The following SMYD3 variants were observed in gnomAD, a reference collection of about 807,000 sequenced individuals.
SMYD3 encodes histone-lysine N-methyltransferase SMYD3.
Under a neutral mutation model 57.7 loss-of-function variants are expected in SMYD3, and 36 were observed. That is an observed-to-expected ratio of 0.62 (90% CI 0.48 to 0.82). SMYD3 has a LOEUF of 0.82. Among genes scored for constraint, SMYD3 ranks in the 40% least tolerant of loss-of-function variants. The probability of loss-of-function intolerance (pLI) is 0.00; values close to 1 mark genes in which losing one functional copy is unlikely to be tolerated. For missense variants in SMYD3, 515 were observed against 538.8 expected, an observed-to-expected ratio of 0.96 and a Z score of 0.44; for synonymous variants, 211 against 195.0, an observed-to-expected ratio of 1.08 and a Z score of -0.68.
chr1:246,406,663 T>C, intron 1 of SMYD3, among the ~76,000 whole-genome samples: 1 of 152,252 alleles, frequency 6.6e-6, no homozygotes, highest in East Asian at 1.9e-4. Flanking sequence ...ACAAGGTAGA[T>C]ACTCAATGTG....
chr1:246,306,026 C>T lies in SMYD3; in HGVS notation c.531+21175G>A, dbSNP rs2064971128. On this transcript the variant is annotated intron_variant, in intron 5 of 11. Coordinates refer to ENST00000490107, the MANE Select transcript of SMYD3 (RefSeq NM_001167740.2). ...GGCACCACAAAATATATTTCTGCTC[C>T]TGTCTTCATTACAAATCAAAATTGA... 4 of 152,162 alleles carry T rather than the reference C, an allele frequency of 2.6e-5. No homozygotes were observed. The South Asian group carries it at 8.3e-4, about 32-fold the overall frequency. 9.4% of individuals were successfully genotyped at this position (152,162 alleles called of 1,614,324 possible).
chr1:245,749,909 G>A (rs754001271), intron 11 of SMYD3, among the ~76,000 whole-genome samples: 47 of 152,152 alleles, frequency 3.1e-4, no homozygotes, highest in Non-Finnish European at 6.2e-4. Flanking sequence ...AGTGACAATC[G>A]ATGATCTTCA....
intron 5 of SMYD3, among the ~76,000 whole-genome samples, chr1:246,146,702 A>G (rs1447811321): frequency 6.6e-6 from 1 of 152,202 alleles, no homozygotes; most frequent in Non-Finnish European, 1.5e-5. Flanking sequence ...CAAACTGCCC[A>G]GGAATCTAAT....
At chr1:246,003,338 G>C (rs1288428968) in intron 5 of SMYD3, among the ~76,000 whole-genome samples, 1 of 152,228 alleles carries the variant, frequency 6.6e-6, no homozygotes, top group African/African-American at 2.4e-5. Context: ...CCATCTGGTG[G>C]AGCGGTGGGA....
chr1:245,963,453 G>A (rs2058061444), intron 5 of SMYD3, among the ~76,000 whole-genome samples: 1 of 152,022 alleles, frequency 6.6e-6, no homozygotes, highest in African/African-American at 2.4e-5. Flanking sequence ...TACTGCTGGG[G>A]GTCTAGAATG....
intron 1 of SMYD3, among the ~76,000 whole-genome samples, chr1:246,492,012 G>A (rs2068280037): frequency 6.6e-6 from 1 of 152,270 alleles, no homozygotes; most frequent in East Asian, 1.9e-4. Context: ...AGTAGGAATA[G>A]AAGAAAGAAA....
At chr1:246,054,991 T>C (rs10924468) in intron 5 of SMYD3, among the ~76,000 whole-genome samples, 3,025 of 149,744 alleles carry the variant, frequency 0.02, 139 homozygotes, top group East Asian at 0.16. Flanking sequence ...CTGGCTAACA[T>C]GGTGAAATCC....
At chr1:246,270,309 C>T (rs1456183963) in intron 5 of SMYD3, among the ~76,000 whole-genome samples, 1 of 152,090 alleles carries the variant, frequency 6.6e-6, no homozygotes, top group African/African-American at 2.4e-5. Flanking sequence ...TTTTTTATTG[C>T]AATAAAATAT....
chr1:246,148,581 C>T (rs2061893589), intron 5 of SMYD3, among the ~76,000 whole-genome samples: 1 of 152,022 alleles, frequency 6.6e-6, no homozygotes, highest in African/African-American at 2.4e-5. Context: ...AAAGCGACAC[C>T]CCGAAGATCA....
chr1:245,993,669 T>C (rs1027499560), intron 5 of SMYD3, among the ~76,000 whole-genome samples: 1 of 145,656 alleles, frequency 6.9e-6, no homozygotes, highest in Non-Finnish European at 1.5e-5. Context: ...CAGACAGATA[T>C]AGATTCCATT....
intron 8 of SMYD3, among the ~76,000 whole-genome samples, chr1:245,869,966 T>C (rs1316738097): frequency 6.6e-6 from 1 of 152,204 alleles, no homozygotes; most frequent in Admixed American, 6.5e-5. Context: ...GCACAGCCCC[T>C]AGCCCTGAAC....
intron 10 of SMYD3, among the ~76,000 whole-genome samples, chr1:245,803,938 G>C (rs748846262): frequency 5.0e-5 from 7 of 139,666 alleles, no homozygotes; most frequent in Non-Finnish European, 1.1e-4. Flanking sequence ...TTTTGAGACA[G>C]AGTCTCTCTC....
intron 8 of SMYD3, among the ~76,000 whole-genome samples, chr1:245,871,559 T>C (rs1235476938): frequency 6.6e-6 from 1 of 152,248 alleles, no homozygotes; most frequent in Non-Finnish European, 1.5e-5. Flanking sequence ...TAGTATGTTC[T>C]AATTAGCAAT....
chr1:245,751,554 GAC>G (rs1229749171), intron 11 of SMYD3, among the ~76,000 whole-genome samples: 35 of 149,580 alleles, frequency 2.3e-4, no homozygotes, highest in Admixed American at 4.6e-4. Flanking sequence ...GAGAGAGAGA[GAC>G]AGAGAGACAG....
chr1:245,991,577 C>G (rs2058814490), intron 5 of SMYD3, among the ~76,000 whole-genome samples: 1 of 152,212 alleles, frequency 6.6e-6, no homozygotes, highest in Non-Finnish European at 1.5e-5. Flanking sequence ...TAAGCTCACT[C>G]CTGTGGTTGC....
At chr1:245,930,287 G>A (rs1430465529) in intron 5 of SMYD3, 3 of 371,440 alleles carry the variant, frequency 8.1e-6, no homozygotes, top group African/African-American at 4.2e-5. Flanking sequence ...GCTATTTATT[G>A]AAAACTAGAC....
chr1:246,205,157 A>C lies in SMYD3; in HGVS notation c.531+122044T>G, dbSNP rs77816336. On this transcript the variant is annotated intron_variant, in intron 5 of 11. Coordinates refer to ENST00000490107, the MANE Select transcript of SMYD3 (RefSeq NM_001167740.2). ...ACAATAAAAGAAGTTTTGTACTTAAAAGGAGGCATGGAATTTAGACGTAAG... is the reference window on the plus strand; with the variant it reads ...ACAATAAAAGAAGTTTTGTACTTAACAGGAGGCATGGAATTTAGACGTAAG... Among the ~76,000 whole-genome samples the C allele has an allele frequency of 8.5e-3, 1,289 of 152,326 alleles. 18 individuals carry two copies. Among genetic ancestry groups the C allele is most frequent in the African/African-American group, 0.03 (1,228 of 41,578 alleles).
intron 5 of SMYD3, among the ~76,000 whole-genome samples, chr1:246,097,708 A>C (rs887707635): frequency 4.0e-5 from 6 of 151,748 alleles, no homozygotes; most frequent in Admixed American, 3.9e-4. Context: ...CTGCTTCGTG[A>C]CCAACTCAGA....
At chr1:246,079,586 G>T (rs568495775) in intron 5 of SMYD3, among the ~76,000 whole-genome samples, 1 of 152,128 alleles carries the variant, frequency 6.6e-6, no homozygotes, top group Non-Finnish European at 1.5e-5. Context: ...CAAAAACTGC[G>T]CCTTGTATAT....
Sources: allele counts gnomAD v4.1 joint callset (sites outside exome capture counted in the v4.1 genomes callset), GRCh38; gene constraint gnomAD v4.1.1; transcripts MANE v1.5; gene names NCBI Gene and HGNC (gene_info 2026-07-23, HGNC 2026-07-21).